SPATA6: variants seen among roughly 807,000 people sequenced by gnomAD.
The protein encoded by SPATA6 is spermatogenesis-associated protein 6.
In SPATA6, 56 loss-of-function variants were observed where a neutral mutation model predicts 65.3. That is an observed-to-expected ratio of 0.86 (90% CI 0.69 to 1.07). The LOEUF (loss-of-function observed/expected upper bound fraction) is 1.07, where lower values mean the gene tolerates loss of function less well. Among genes scored for constraint, SPATA6 ranks in the 50% least tolerant of loss-of-function variants. The pLI is 0.00. For missense variants in SPATA6, 590 were observed against 594.8 expected, an observed-to-expected ratio of 0.99 and a Z score of 0.08; for synonymous variants, 199 against 213.2, an observed-to-expected ratio of 0.93 and a Z score of 0.58.
chr1:48,311,791 C>T (rs894953288), intron 11 of SPATA6, among the ~76,000 whole-genome samples: 1 of 152,194 alleles, frequency 6.6e-6, no homozygotes, highest in Non-Finnish European at 1.5e-5. Context: ...CCGGGAAGTA[C>T]AAGGGGTGAG....
In SPATA6 at chr1:48,296,801, G is replaced by T. The variant is rs1255030321; in HGVS notation, c.*1912C>A. ...TCCACATGTACCTTAGGATGACATT[G>T]GCAGGTAGTGTGAGGAGCTAGGGGA... is the stretch of plus-strand genomic sequence containing the variant. On this transcript the variant is annotated 3_prime_UTR_variant, in exon 13 of 13. Coordinates refer to ENST00000371847, the MANE Select transcript of SPATA6 (RefSeq NM_019073.4). 1 of 152,062 alleles carries T rather than the reference G, an allele frequency of 6.6e-6. No homozygotes were observed. The highest frequency in any genetic ancestry group is 1.5e-5 in the Non-Finnish European group (1 of 68,002). The allele number at this position is 152,062 out of a possible 1,614,324, so 9.4% of individuals were successfully genotyped here. A position where few individuals can be genotyped will look rare whatever the true frequency, so the allele number is the denominator to read the frequency against.
intron 7 of SPATA6, 37 bp from the exon 8 acceptor site, chr1:48,395,391 A>C: frequency 6.9e-7 from 1 of 1,447,914 alleles, no homozygotes; most frequent in Middle Eastern, 1.8e-4. Flanking sequence ...AAGAGAGTTT[A>C]AACATTCCTA....
intron 9 of SPATA6, among the ~76,000 whole-genome samples, chr1:48,363,817 ATACTTT>A (rs1448012723): frequency 1.3e-5 from 2 of 151,034 alleles, no homozygotes; most frequent in African/African-American, 2.4e-5. Context: ...TATTATTATT[ATACTTT>A]AAGTTTTAGG....
chr1:48,392,092 T>C (rs1650131823), intron 8 of SPATA6, among the ~76,000 whole-genome samples: 1 of 152,128 alleles, frequency 6.6e-6, no homozygotes, highest in Non-Finnish European at 1.5e-5. Flanking sequence ...TATTAAAACA[T>C]TACCAGTTAC....
the SPATA6 span, among the ~76,000 whole-genome samples, chr1:48,287,953 TTTTA>T: frequency 6.6e-6 from 1 of 152,240 alleles, no homozygotes; most frequent in Admixed American, 6.5e-5. Context: ...CATATATGGC[TTTTA>T]TTGTGTTGAA....
chr1:48,430,368 A>G (rs1020239302), intron 3 of SPATA6, among the ~76,000 whole-genome samples: 3 of 152,144 alleles, frequency 2.0e-5, no homozygotes, highest in African/African-American at 7.2e-5. Flanking sequence ...CAAGAATTCT[A>G]TATCAAGCAA....
the SPATA6 span, among the ~76,000 whole-genome samples, chr1:48,277,088 T>C: frequency 2.0e-5 from 3 of 151,482 alleles, no homozygotes; most frequent in African/African-American, 7.3e-5. Context: ...AATGGCCTTC[T>C]TTGTTTTTTG....
chr1:48,359,664 A>G lies in SPATA6; in HGVS notation c.1016T>C (p.Leu339Ser). 8 of 1,613,854 alleles carry G rather than the reference A, an allele frequency of 5.0e-6. No homozygotes were observed. Among genetic ancestry groups the G allele is most frequent in the Non-Finnish European group, 6.8e-6 (8 of 1,179,850 alleles). ...CSKPRHSARTLLVHSAPSTMP... is the reference protein window; with the variant it reads ...CSKPRHSARTSLVHSAPSTMP... Reference sequence around the variant, plus strand: ...TGTTGAGGGTGCTGAATGGACTAGCAAGGTCCTCGCTGAATGCCGGGGCTT... The same window carrying G: ...TGTTGAGGGTGCTGAATGGACTAGCGAGGTCCTCGCTGAATGCCGGGGCTT... The change falls in exon 10 of 13, where the codon TTG becomes TCG. Residue 339 changes from leucine to serine, a missense_variant. Leu to Ser is a moderately radical substitution (Grantham distance 145, BLOSUM62 -2). Transcript: ENST00000371847.
chr1:48,425,524 A>G (rs978087279), intron 3 of SPATA6, among the ~76,000 whole-genome samples: 37 of 152,218 alleles, frequency 2.4e-4, no homozygotes, highest in African/African-American at 8.9e-4. Flanking sequence ...TTCAAAAAGA[A>G]GAATAAACTT....
intron 3 of SPATA6, among the ~76,000 whole-genome samples, chr1:48,419,656 T>C (rs1032773161): frequency 6.6e-6 from 1 of 152,126 alleles, no homozygotes; most frequent in African/African-American, 2.4e-5. Context: ...TAAGGGTAGG[T>C]TACTTTTAGG....
chr1:48,407,776 T>C (rs1343052557), intron 5 of SPATA6, among the ~76,000 whole-genome samples: 1 of 152,228 alleles, frequency 6.6e-6, no homozygotes, highest in Non-Finnish European at 1.5e-5. Context: ...CTGCCATTCG[T>C]AGAAGTCCTA....
rs148754434 is a variant in SPATA6, at chr1:48,392,647, A to C, written c.868+2620T>G. ...CTCTAAACCGCTGCCATTTTTCTCA[A>C]ATATAATTAAATCCATCTTCACTTG... On this transcript the variant is annotated intron_variant, in intron 8 of 12. Coordinates refer to ENST00000371847, the MANE Select transcript of SPATA6 (RefSeq NM_019073.4). 3.9e-5 allele frequency among the ~76,000 whole-genome samples: 6 copies of C among 152,236 alleles called. No homozygotes were observed. In the East Asian group the frequency reaches 1.2e-3, roughly 29 times the overall value.
At chr1:48,308,356 C>A (rs575206250) in intron 11 of SPATA6, among the ~76,000 whole-genome samples, 1 of 151,972 alleles carries the variant, frequency 6.6e-6, no homozygotes, top group Admixed American at 6.6e-5. Flanking sequence ...TACATGTTTA[C>A]AGTCCCTCCC....
intron 1 of SPATA6, among the ~76,000 whole-genome samples, chr1:48,460,655 A>T (rs2066016): frequency 0.098 from 14,826 of 151,724 alleles, 872 homozygotes; most frequent in South Asian, 0.17. Context: ...ATTTTCAAAC[A>T]TCTTAGTTGT....
At chr1:48,455,839 A>G (rs72897222) in intron 1 of SPATA6, among the ~76,000 whole-genome samples, 3,920 of 152,288 alleles carry the variant, frequency 0.026, 108 homozygotes, top group African/African-American at 0.071. Context: ...GCAAGAAGGC[A>G]TTGTTTTTTT....
rs1364552283 is a variant in SPATA6 at position 48,424,554 on chromosome 1, G to A, written c.239-11403C>T. On this transcript the variant is annotated intron_variant, in intron 3 of 12. Transcript: ENST00000371847. ...TAACTCTTATTTTTAGTTTTCTGAG[G>A]AACCTCCACACTGTTCTCCACAGTG... Among the ~76,000 whole-genome samples, 6 of 152,106 alleles carry A rather than the reference G, an allele frequency of 3.9e-5. No individual in the cohort carries two copies. In the East Asian group the frequency reaches 9.6e-4, roughly 24 times the overall value.
intron 11 of SPATA6, among the ~76,000 whole-genome samples, chr1:48,320,256 A>C (rs1219533807): frequency 6.6e-6 from 1 of 152,242 alleles, no homozygotes; most frequent in Non-Finnish European, 1.5e-5. Context: ...AATCAAGTAC[A>C]AGAGGGTTAT....
intron 5 of SPATA6, among the ~76,000 whole-genome samples, chr1:48,404,828 T>C (rs1346267018): frequency 6.6e-6 from 1 of 152,228 alleles, no homozygotes; most frequent in Non-Finnish European, 1.5e-5. Flanking sequence ...TTGAACACTG[T>C]TTGAAATAAT....
the SPATA6 span, among the ~76,000 whole-genome samples, chr1:48,278,653 A>G: frequency 1.3e-5 from 2 of 152,290 alleles, no homozygotes; most frequent in African/African-American, 2.4e-5. Context: ...AAAGAAATGA[A>G]CAAAGCCTCC....
Sources: allele counts gnomAD v4.1 joint callset (sites outside exome capture counted in the v4.1 genomes callset), GRCh38; gene constraint gnomAD v4.1.1; transcripts MANE v1.5; gene names NCBI Gene and HGNC (gene_info 2026-07-23, HGNC 2026-07-21).